Variants in ZCWPW1 observed in about 807,000 individuals in gnomAD.
The protein encoded by ZCWPW1 is zinc finger CW-type PWWP domain protein 1.
A neutral mutation model predicts 81.3 loss-of-function variants in ZCWPW1; 56 were observed. That is an observed-to-expected ratio of 0.69 (90% CI 0.56 to 0.86). ZCWPW1 has a LOEUF of 0.86. Ranked by LOEUF, ZCWPW1 falls within the 40% of genes least tolerant of loss-of-function variation. The probability of loss-of-function intolerance (pLI) is 0.00; values close to 1 mark genes in which losing one functional copy is unlikely to be tolerated. For synonymous variants in ZCWPW1, 250 were observed against 273.7 expected (o/e 0.91, Z 0.86); for missense variants, 650 against 769.8 (o/e 0.84, Z 1.84).
chr7:100,407,489 C>T (rs1024168180), intron 10 of ZCWPW1, among the ~76,000 whole-genome samples, 186 bp from the exon 11 acceptor site: 2 of 152,060 alleles, frequency 1.3e-5, no homozygotes, highest in Non-Finnish European at 2.9e-5. Flanking sequence ...ATCTGTCAGG[C>T]GCAAGTGATC....
intron 5 of ZCWPW1, 124 bp downstream of exon 5, chr7:100,418,987 C>T: frequency 1.4e-6 from 1 of 724,020 alleles, no homozygotes; most frequent in Non-Finnish European, 2.3e-6. Flanking sequence ...ATGTTGAAGT[C>T]TCATCTAATA....
At chr7:100,421,240 A>AC (rs1181813532) in intron 2 of ZCWPW1, among the ~76,000 whole-genome samples, 2 of 152,200 alleles carry the variant, frequency 1.3e-5, no homozygotes, top group Non-Finnish European at 2.9e-5. Context: ...GTCCAACCTA[A>AC]GGCAGGCAGC....
chr7:100,416,956 A>T, intron 6 of ZCWPW1, 110 bp downstream of exon 6: 1 of 968,220 alleles, frequency 1.0e-6, no homozygotes, highest in Non-Finnish European at 1.5e-6. Flanking sequence ...AAAAAAAAAA[A>T]AAAAAAGAAA....
At chr7:100,414,604 G>A (rs757576529) in intron 8 of ZCWPW1, among the ~76,000 whole-genome samples, 4 of 151,856 alleles carry the variant, frequency 2.6e-5, no homozygotes, top group African/African-American at 4.8e-5. Flanking sequence ...TTGTAGAGAT[G>A]AGGGTCTCAC....
At chr7:100,403,602 T>C (rs1161251686) in intron 15 of ZCWPW1, 92 bp downstream of exon 15, 15 of 1,114,970 alleles carry the variant, frequency 1.3e-5, no homozygotes, top group Non-Finnish European at 1.9e-5. Flanking sequence ...GGTGGGAGGA[T>C]TGCCTAAGTC....
At chr7:100,426,780 CCTTT>C (rs1209810123) in intron 1 of ZCWPW1, among the ~76,000 whole-genome samples, 1 of 121,982 alleles carries the variant, frequency 8.2e-6, no homozygotes, top group Non-Finnish European at 1.7e-5. Context: ...TGCCCTCCTC[CCTTT>C]CTCTCTCCCT....
chr7:100,402,350 AAGCAAAGGGGTTCC>A (rs774884904), intron 16 of ZCWPW1, 152 bp downstream of exon 16: 2 of 886,168 alleles, frequency 2.3e-6, no homozygotes, highest in East Asian at 4.8e-5. Context: ...CAGTACAGAG[AAGCAAAGGGGTTCC>A]AGCTCCCCAT....
At position 100,405,008 on chromosome 7, in the gene ZCWPW1, C is replaced by A; in HGVS notation, c.1254+5G>T. ...GGAATGGGTGTGGTCTGAACACCCT[C>A]CCACCTGAATGCTGATCTGTTCTGC... On this transcript the variant is annotated splice_donor_5th_base_variant and intron_variant, in intron 13 of 17. Coordinates refer to ENST00000684423, the MANE Select transcript of ZCWPW1 (RefSeq NM_001386010.1). The A allele has an allele frequency of 6.2e-7, 1 of 1,612,994 alleles. No homozygotes were observed.
chr7:100,426,516 T>C (rs1797375103), intron 1 of ZCWPW1, among the ~76,000 whole-genome samples: 1 of 147,700 alleles, frequency 6.8e-6, no homozygotes, highest in African/African-American at 2.5e-5. Flanking sequence ...AAAAAAAGTA[T>C]ATTTCAAATC....
At chr7:100,423,093 G>C (rs1796631629) in intron 2 of ZCWPW1, among the ~76,000 whole-genome samples, 1 of 152,056 alleles carries the variant, frequency 6.6e-6, no homozygotes, top group Admixed American at 6.6e-5. Flanking sequence ...AAGACCTTTA[G>C]GGATAATAAA....
rs1231619506 is a variant in ZCWPW1 at position 100,418,284 on chromosome 7, C to G, written c.361+827G>C. ...GCAAGGGTATGTACCCTAAGTTTTT[C>G]AAATCTAGGGAAAACAATTTTATCT... On this transcript the variant is annotated intron_variant, in intron 5 of 17. Transcript: ENST00000684423. Among the ~76,000 whole-genome samples, 4 of 152,286 alleles carry G rather than the reference C, an allele frequency of 2.6e-5. No individual in the cohort carries two copies. The East Asian group carries it at 5.8e-4, about 22-fold the overall frequency.
chr7:100,419,408 C>A (rs1397764832), intron 4 of ZCWPW1, among the ~76,000 whole-genome samples: 1 of 152,142 alleles, frequency 6.6e-6, no homozygotes, highest in African/African-American at 2.4e-5. Flanking sequence ...CTACTTCTAT[C>A]CCCACCTCTA....
intron 16 of ZCWPW1, chr7:100,402,261 G>T: frequency 1.2e-6 from 1 of 813,228 alleles, no homozygotes. Context: ...GTTCTCCTCA[G>T]AGTCTACCTT....
intron 2 of ZCWPW1, among the ~76,000 whole-genome samples, chr7:100,421,374 A>G (rs1796310966): frequency 6.6e-6 from 1 of 152,196 alleles, no homozygotes; most frequent in Non-Finnish European, 1.5e-5. Context: ...TCTCCTAAAC[A>G]CTTAGAACAC....
In ZCWPW1 at chr7:100,406,942, C is replaced by T; in HGVS notation, c.1069-144G>A. 4 of 740,888 alleles carry T rather than the reference C, an allele frequency of 5.4e-6. No homozygotes were observed. The South Asian group carries it at 7.4e-5, about 14-fold the overall frequency. 45.9% of individuals were successfully genotyped at this position (740,888 alleles called of 1,614,324 possible). A position where few individuals can be genotyped will look rare whatever the true frequency, so the allele number is the denominator to read the frequency against. ...TCCTTTCAAAGCCTGACTCATCTAC[C>T]CTACCCTCGTTGCAATTGTTCTTCC... is the stretch of plus-strand genomic sequence containing the variant. On this transcript the variant is annotated intron_variant, in intron 11 of 17. Transcript: ENST00000684423.
At chr7:100,406,204 C>A (rs1464226447) in intron 12 of ZCWPW1, among the ~76,000 whole-genome samples, 1 of 152,118 alleles carries the variant, frequency 6.6e-6, no homozygotes, top group Non-Finnish European at 1.5e-5. Flanking sequence ...ACTGTGCCCC[C>A]CAGAAGGCAC....
intron 6 of ZCWPW1, 33 bp downstream of exon 6, chr7:100,417,033 T>C (rs1195005077): frequency 6.8e-7 from 1 of 1,474,238 alleles, no homozygotes; most frequent in African/African-American, 1.4e-5. Flanking sequence ...TAGTCCATTC[T>C]GTGTTCAACT....
chr7:100,405,257 G>A (rs1792749914), intron 12 of ZCWPW1, among the ~76,000 whole-genome samples, 164 bp from the exon 13 acceptor site: 1 of 151,942 alleles, frequency 6.6e-6, no homozygotes, highest in African/African-American at 2.4e-5. Context: ...GTGAAACCCC[G>A]TCTCTAATAA....
chr7:100,420,247 A>G (rs754511983), intron 3 of ZCWPW1, among the ~76,000 whole-genome samples: 3 of 152,190 alleles, frequency 2.0e-5, no homozygotes, highest in Admixed American at 1.3e-4. Context: ...AATTAGAGCA[A>G]ATTTTTAAAA....
Sources: allele counts gnomAD v4.1 joint callset (sites outside exome capture counted in the v4.1 genomes callset), GRCh38; gene constraint gnomAD v4.1.1; transcripts MANE v1.5; gene names NCBI Gene and HGNC (gene_info 2026-07-23, HGNC 2026-07-21).